The following LDLRAD3 variants were observed in gnomAD, a reference collection of about 807,000 sequenced individuals.
LDLRAD3 encodes the protein low-density lipoprotein receptor class A domain-containing protein 3.
In LDLRAD3, 20 loss-of-function variants were observed where a neutral mutation model predicts 29.4. That is an observed-to-expected ratio of 0.68 (90% CI 0.48 to 0.99). The LOEUF (loss-of-function observed/expected upper bound fraction) is 0.99, where lower values mean the gene tolerates loss of function less well. LDLRAD3 is among the 50% of genes least tolerant of loss of function. The probability of loss-of-function intolerance (pLI) is 0.00; values close to 1 mark genes in which losing one functional copy is unlikely to be tolerated. For missense variants in LDLRAD3, 420 were observed against 454.3 expected, an observed-to-expected ratio of 0.92 and a Z score of 0.69; for synonymous variants, 157 against 192.7, an observed-to-expected ratio of 0.81 and a Z score of 1.53.
At chr11:36,174,845 G>C (rs1854650465) in intron 4 of LDLRAD3, among the ~76,000 whole-genome samples, 1 of 152,194 alleles carries the variant, frequency 6.6e-6, no homozygotes, top group African/African-American at 2.4e-5. Context: ...AGCTGGGCGT[G>C]GTGGCAGGTG....
At position 35,944,181 on chromosome 11, in the gene LDLRAD3, C is replaced by T; in HGVS notation, c.46+37C>T. On this transcript the variant is annotated intron_variant, in intron 1 of 5. Coordinates refer to ENST00000315571, the MANE Select transcript of LDLRAD3 (RefSeq NM_174902.4). This position sits in a 1 kb window ranked among gnomAD's most constrained non-coding sequence, Gnocchi z 4.9. ...GGCGGCCGGCGAACTTCCCGCGGGGCGCGGGGCGCGGGGCGCGGGGCGCAG... is the reference window on the plus strand; with the variant it reads ...GGCGGCCGGCGAACTTCCCGCGGGGTGCGGGGCGCGGGGCGCGGGGCGCAG... The T allele has an allele frequency of 3.2e-6, 3 of 938,384 alleles. No homozygotes were observed. Among genetic ancestry groups the T allele is most frequent in the Non-Finnish European group, 1.3e-6 (1 of 787,694 alleles). 58.1% of individuals were successfully genotyped at this position (938,384 alleles called of 1,614,324 possible). A position where few individuals can be genotyped will look rare whatever the true frequency, so the allele number is the denominator to read the frequency against.
chr11:35,976,622 A>G (rs1851479308), intron 1 of LDLRAD3, among the ~76,000 whole-genome samples: 1 of 152,028 alleles, frequency 6.6e-6, no homozygotes, highest in African/African-American at 2.4e-5. Context: ...GACTTCATTC[A>G]TCATGAAACT....
intron 1 of LDLRAD3, among the ~76,000 whole-genome samples, chr11:35,981,949 C>G (rs771679063): frequency 6.6e-6 from 1 of 152,138 alleles, no homozygotes; most frequent in African/African-American, 2.4e-5. Context: ...GCCTGGGAGT[C>G]GGAGCTCTTT....
intron 4 of LDLRAD3, among the ~76,000 whole-genome samples, chr11:36,140,728 C>A (rs1033916756): frequency 6.6e-6 from 1 of 152,082 alleles, no homozygotes; most frequent in Admixed American, 6.6e-5. Flanking sequence ...ACGTTGTGTA[C>A]ACTTTAAAAG....
chr11:36,164,944 A>G (rs1391786960), intron 4 of LDLRAD3, among the ~76,000 whole-genome samples: 1 of 152,266 alleles, frequency 6.6e-6, no homozygotes, highest in Non-Finnish European at 1.5e-5. Flanking sequence ...CAAAAGCACA[A>G]TAAAATCTTA....
At chr11:36,225,736 C>T (rs1015701889) in intron 4 of LDLRAD3, among the ~76,000 whole-genome samples, 2 of 152,078 alleles carry the variant, frequency 1.3e-5, no homozygotes, top group African/African-American at 4.8e-5. Flanking sequence ...ATCACACCAC[C>T]TACCCCATGG....
rs1471495528 is a variant in LDLRAD3 at position 36,213,334 on chromosome 11, A to G, written c.455-13751A>G. ...GTTAATTTTAGCAACTTGAGTTGCCATGGTAATGGTTCAGCGGGGTTTTCA... is the reference window on the plus strand; with the variant it reads ...GTTAATTTTAGCAACTTGAGTTGCCGTGGTAATGGTTCAGCGGGGTTTTCA... On this transcript the variant is annotated intron_variant, in intron 4 of 5. Coordinates refer to ENST00000315571, the MANE Select transcript of LDLRAD3 (RefSeq NM_174902.4). This position sits in a 1 kb window ranked among gnomAD's most constrained non-coding sequence, Gnocchi z 4.1. Among the ~76,000 whole-genome samples the G allele has an allele frequency of 6.6e-6, 1 of 152,202 alleles. No homozygotes were observed. The highest frequency in any genetic ancestry group is 1.5e-5 in the Non-Finnish European group (1 of 68,036).
intron 4 of LDLRAD3, among the ~76,000 whole-genome samples, chr11:36,138,733 G>A (rs1305393737): frequency 6.6e-6 from 1 of 152,244 alleles, no homozygotes; most frequent in Admixed American, 6.5e-5. Context: ...GTCAGAACAT[G>A]TGATGCTTGG....
intron 1 of LDLRAD3, among the ~76,000 whole-genome samples, chr11:36,011,573 A>T (rs1183336933): frequency 6.6e-6 from 1 of 152,116 alleles, no homozygotes; most frequent in African/African-American, 2.4e-5. Context: ...CTACCTCAAT[A>T]ATACTGATAT....
At chr11:36,045,028 G>C (rs188803874) in intron 2 of LDLRAD3, among the ~76,000 whole-genome samples, 3,017 of 152,314 alleles carry the variant, frequency 0.02, 91 homozygotes, top group African/African-American at 0.069. Flanking sequence ...ATGGCCTTCA[G>C]CACTGTAGGC....
In LDLRAD3 at chr11:36,229,541, C is replaced by G. The variant is rs370738355; in HGVS notation, c.*144C>G. ...GGATATTAACTATCTCTGCATTCCC[C>G]TCCTCCCCCAGACTTCAGAGATGTT... On this transcript the variant is annotated 3_prime_UTR_variant, in exon 6 of 6. Transcript: ENST00000315571. The G allele has an allele frequency of 8.0e-4, 506 of 628,694 alleles. 4 individuals carry two copies. In the South Asian group the frequency reaches 8.1e-3, roughly 10 times the overall value. The allele number at this position is 628,694 out of a possible 1,614,324, so 38.9% of individuals were successfully genotyped here.
At chr11:36,183,703 A>G (rs1274577245) in intron 4 of LDLRAD3, among the ~76,000 whole-genome samples, 1 of 152,202 alleles carries the variant, frequency 6.6e-6, no homozygotes, top group Admixed American at 6.5e-5. Context: ...TAAGCTCCAA[A>G]GGTGATTCTG....
intron 2 of LDLRAD3, among the ~76,000 whole-genome samples, chr11:36,074,140 A>C (rs1165746164): frequency 6.6e-6 from 1 of 152,228 alleles, no homozygotes; most frequent in Non-Finnish European, 1.5e-5. Context: ...CATTATGCAA[A>C]TATTTATGAG....
At position 35,944,919 on chromosome 11, in the gene LDLRAD3, C is replaced by G. The variant is rs1308936349; in HGVS notation, c.46+775C>G. Among the ~76,000 whole-genome samples, 1 of 152,248 alleles carries G rather than the reference C, an allele frequency of 6.6e-6. No homozygotes were observed. Among genetic ancestry groups the G allele is most frequent in the Non-Finnish European group, 1.5e-5 (1 of 68,038 alleles). ...GGCCTGGACCGCAGCAAGCCTCTTT[C>G]CCTTCCAGACAGCGTGCTGTTCCCA... On this transcript the variant is annotated intron_variant, in intron 1 of 5. Transcript: ENST00000315571. This position sits in a 1 kb window ranked among gnomAD's most constrained non-coding sequence, Gnocchi z 4.9.
intron 4 of LDLRAD3, 91 bp from the exon 5 acceptor site, chr11:36,226,994 T>G: frequency 9.7e-7 from 1 of 1,030,894 alleles, no homozygotes; most frequent in Non-Finnish European, 1.4e-6. Flanking sequence ...CTGTGAACAT[T>G]CGCATGCAAG....
intron 4 of LDLRAD3, among the ~76,000 whole-genome samples, chr11:36,164,684 A>C (rs1854490529): frequency 1.3e-5 from 2 of 152,188 alleles, no homozygotes; most frequent in South Asian, 4.1e-4. Context: ...GAATCATCCT[A>C]GAATCTACTG....
intron 4 of LDLRAD3, among the ~76,000 whole-genome samples, chr11:36,161,018 C>G (rs111489599): frequency 0.11 from 17,352 of 152,152 alleles, 1,232 homozygotes; most frequent in Admixed American, 0.21. Flanking sequence ...TGGTCTTGAA[C>G]GCCTGACCTC....
At chr11:36,151,331 G>A (rs541026873) in intron 4 of LDLRAD3, among the ~76,000 whole-genome samples, 12 of 152,182 alleles carry the variant, frequency 7.9e-5, no homozygotes, top group African/African-American at 2.6e-4. Flanking sequence ...GGCCAGGGGT[G>A]CACATCGCAA....
At chr11:36,227,887 A>G (rs1292701812) in intron 5 of LDLRAD3, among the ~76,000 whole-genome samples, 3 of 152,232 alleles carry the variant, frequency 2.0e-5, no homozygotes, top group Non-Finnish European at 4.4e-5. Flanking sequence ...TTTGGTTAAT[A>G]TCTGTCAAAT....
Sources: gnomAD v4.1 joint callset for allele counts (sites outside exome capture counted in the v4.1 genomes callset) on GRCh38, gnomAD v4.1.1 for gene constraint, Gnocchi (gnomAD v3.1) non-coding constraint, MANE v1.5 for transcripts, NCBI Gene and HGNC (gene_info 2026-07-23, HGNC 2026-07-21) for gene names.